MTMR10: variants seen among roughly 807,000 people sequenced by gnomAD.
MTMR10 encodes the protein myotubularin-related protein 10.
MTMR10 carries 56 observed loss-of-function variants against 88.1 expected under a neutral mutation model. The ratio of observed to expected loss-of-function variants is 0.64; its 90% CI spans 0.51 to 0.79. MTMR10 has a LOEUF of 0.79. Among genes scored for constraint, MTMR10 ranks in the 30% least tolerant of loss-of-function variants. The pLI, the probability that MTMR10 is intolerant of heterozygous loss-of-function variation, is 0.00. For synonymous variants in MTMR10, 380 were observed against 340.9 expected (o/e 1.11, Z -1.26); for missense variants, 883 against 924.7 (o/e 0.95, Z 0.58).
the MTMR10 span, chr15:30,926,004 G>A: frequency 1.3e-6 from 2 of 1,534,998 alleles, no homozygotes; most frequent in Non-Finnish European, 9.0e-7. Flanking sequence ...CACTGGATGG[G>A]CTGTCAGCAG....
chr15:30,938,428 G>A (rs576450161), downstream of MTMR10, among the ~76,000 whole-genome samples: 4 of 152,060 alleles, frequency 2.6e-5, no homozygotes, highest in Non-Finnish European at 4.4e-5. Context: ...GATTGGGCCC[G>A]GATCATGAAA....
At chr15:30,952,626 TA>T (rs2063265381) in intron 11 of MTMR10, among the ~76,000 whole-genome samples, 1 of 151,886 alleles carries the variant, frequency 6.6e-6, no homozygotes, top group South Asian at 2.1e-4. Context: ...TCAGGCTCCC[TA>T]GGACAGCAGG....
At chr15:30,924,339 G>A in the MTMR10 span, among the ~76,000 whole-genome samples, 1 of 152,142 alleles carries the variant, frequency 6.6e-6, no homozygotes, top group Admixed American at 6.5e-5. Context: ...CAATTCTTTT[G>A]GGAATACCTG....
chr15:30,944,832 G>A (rs960255747), intron 14 of MTMR10, among the ~76,000 whole-genome samples: 27 of 151,474 alleles, frequency 1.8e-4, no homozygotes, highest in African/African-American at 6.6e-4. Flanking sequence ...GCAACATGGC[G>A]AAACCCTGAC....
intron 2 of MTMR10, among the ~76,000 whole-genome samples, chr15:30,977,935 T>TC (rs902302607): frequency 1.7e-4 from 26 of 152,230 alleles, no homozygotes; most frequent in African/African-American, 6.3e-4. Flanking sequence ...TCTGCTCATG[T>TC]CAAATTCACA....
the MTMR10 span, chr15:30,929,211 C>T: frequency 6.2e-7 from 1 of 1,611,876 alleles, no homozygotes; most frequent in South Asian, 1.1e-5. Context: ...AGGCATTCCC[C>T]CTGGACTTGT....
intron 3 of MTMR10, among the ~76,000 whole-genome samples, chr15:30,975,413 A>AG (rs1250083720): frequency 6.6e-6 from 1 of 152,182 alleles, no homozygotes; most frequent in Admixed American, 6.5e-5. Flanking sequence ...AAAAACCATT[A>AG]GAAAAGGTTT....
At chr15:30,948,179 G>T (rs187339778) in intron 13 of MTMR10, 123 bp downstream of exon 13, 2 of 860,134 alleles carry the variant, frequency 2.3e-6, no homozygotes, top group African/African-American at 1.7e-5. Flanking sequence ...AGTTAGCTTT[G>T]GACTAAGGAA....
the MTMR10 span, chr15:30,930,668 TA>T: frequency 6.2e-7 from 1 of 1,612,704 alleles, no homozygotes; most frequent in Non-Finnish European, 8.5e-7. Context: ...GCCGTCACTT[TA>T]AGGTCAGTTG....
the MTMR10 span, chr15:30,920,713 G>A: frequency 8.2e-6 from 8 of 970,224 alleles, no homozygotes; most frequent in Non-Finnish European, 1.1e-5. Context: ...AACATGTGAA[G>A]GGACAGCTGT....
downstream of MTMR10, among the ~76,000 whole-genome samples, chr15:30,936,622 T>A (rs1201396059): frequency 6.6e-6 from 1 of 151,610 alleles, no homozygotes; most frequent in Non-Finnish European, 1.5e-5. Flanking sequence ...GATGGCCTTA[T>A]GTCCTGATAA....
At chr15:30,945,299 G>C (rs2063153665) in intron 14 of MTMR10, among the ~76,000 whole-genome samples, 1 of 152,134 alleles carries the variant, frequency 6.6e-6, no homozygotes, top group Non-Finnish European at 1.5e-5. Context: ...AAATTAAAAA[G>C]AGCACTAGAA....
At chr15:30,943,746 C>T in intron 14 of MTMR10, 1 of 985,284 alleles carries the variant, frequency 1.0e-6, no homozygotes, top group African/African-American at 1.7e-5. Flanking sequence ...TAAACTGAGG[C>T]AACACAAGGC....
chr15:30,948,429 A>G lies in MTMR10; in HGVS notation c.1250T>C (p.Val417Ala). The G allele has an allele frequency of 6.2e-7, 1 of 1,612,406 alleles. No individual in the cohort carries two copies. Residue 417 changes from valine (V) to alanine (A), a missense_variant, in exon 13 of 16, where the codon GTT (valine) becomes GCT (alanine). By Grantham distance (64) the Val-to-Ala change is moderately conservative. This residue lies in a region of MTMR10 where 126 missense variants were observed against 178.2 expected (regional missense o/e 0.71). Transcript: ENST00000435680. ...RDLSCCVASLVQVMLDPYFRT... is the reference protein window; with the variant it reads ...RDLSCCVASLAQVMLDPYFRT... ...AAAATAGGGATCCAGCATCACTTGA[A>G]CAAGAGAAGCTACACAACAGCTCAA... is the stretch of plus-strand genomic sequence containing the variant.
chr15:30,939,491 A>G lies in MTMR10; in HGVS notation c.*1979T>C. The G allele has an allele frequency of 1.0e-6, 1 of 984,570 alleles. No individual in the cohort carries two copies. The highest frequency in any genetic ancestry group is 1.7e-5 in the African/African-American group (1 of 57,360). The allele number at this position is 984,570 out of a possible 1,614,324, so 61.0% of individuals were successfully genotyped here. On this transcript the variant is annotated 3_prime_UTR_variant, in exon 16 of 16. Coordinates refer to ENST00000435680, the MANE Select transcript of MTMR10 (RefSeq NM_017762.3). ...AGTTGTTTTTCATATTATGCACAAT[A>G]AACTGTAGCACAATAATCATGATAT...
intron 5 of MTMR10, among the ~76,000 whole-genome samples, chr15:30,968,504 G>A (rs1156426975): frequency 1.3e-5 from 2 of 149,968 alleles, no homozygotes; most frequent in Non-Finnish European, 3.0e-5. Context: ...AAAAATGCAT[G>A]GGTGGCTCAA....
chr15:30,964,668 T>C (rs2063451759), intron 6 of MTMR10, among the ~76,000 whole-genome samples: 1 of 152,184 alleles, frequency 6.6e-6, no homozygotes, highest in Non-Finnish European at 1.5e-5. Context: ...AGTGGATCGC[T>C]ATGAGGGGCT....
chr15:30,941,104 CA>C lies in MTMR10; in HGVS notation c.*365del. ...ATGCTCCTAAAAATGACACGAAACACAAATTTCCTAACTTTCCTGTTGTCTG... is the reference window on the plus strand; with the variant it reads ...ATGCTCCTAAAAATGACACGAAACACAATTTCCTAACTTTCCTGTTGTCTG... On this transcript the variant is annotated 3_prime_UTR_variant, in exon 16 of 16. Transcript: ENST00000435680. 3 of 1,233,838 alleles carry C rather than the reference CA, an allele frequency of 2.4e-6. No homozygotes were observed. The highest frequency in any genetic ancestry group is 3.1e-6 in the Non-Finnish European group (3 of 965,468). The allele number at this position is 1,233,838 out of a possible 1,614,324, so 76.4% of individuals were successfully genotyped here.
At chr15:30,927,459 C>T in the MTMR10 span, 1 of 985,644 alleles carries the variant, frequency 1.0e-6, no homozygotes, top group Non-Finnish European at 1.2e-6. Flanking sequence ...CTAGAACTGA[C>T]AGGAAGACAG....
Sources: gnomAD v4.1 joint callset for allele counts (sites outside exome capture counted in the v4.1 genomes callset) on GRCh38, gnomAD v4.1.1 for gene constraint, gnomAD v4.1.1 regional missense constraint, MANE v1.5 for transcripts, NCBI Gene and HGNC (gene_info 2026-07-23, HGNC 2026-07-21) for gene names.